NDE1: variants seen among roughly 807,000 people sequenced by gnomAD.
The protein encoded by NDE1 is nudE neurodevelopment protein 1, also known as nuclear distribution protein nudE homolog 1.
Under a neutral mutation model 43.4 loss-of-function variants are expected in NDE1, and 28 were observed. That is an observed-to-expected ratio of 0.65 (90% CI 0.48 to 0.89). The LOEUF is 0.89. Ranked by LOEUF, NDE1 falls within the 40% of genes least tolerant of loss-of-function variation. The probability of loss-of-function intolerance (pLI) is 0.00; values close to 1 mark genes in which losing one functional copy is unlikely to be tolerated. For synonymous variants in NDE1, 184 were observed against 172.0 expected, an observed-to-expected ratio of 1.07 and a Z score of -0.55; for missense variants, 441 against 434.1, an observed-to-expected ratio of 1.02 and a Z score of -0.14.
chr16:15,643,885 C>T (rs533292517), exon 1 of NDE1: 1 of 153,108 alleles, frequency 6.5e-6, no homozygotes, highest in African/African-American at 2.4e-5. Context: ...ATGAATACTG[C>T]GTTTCCAGTG....
At chr16:15,710,456 G>A (rs2039715591) in intron 8 of NDE1, among the ~76,000 whole-genome samples, 1 of 152,160 alleles carries the variant, frequency 6.6e-6, no homozygotes. Flanking sequence ...GGGAGGCAAA[G>A]GTTGCAGTGA....
chr16:15,699,652 A>T (rs1391296720), intron 8 of NDE1: 1 of 1,296,020 alleles, frequency 7.7e-7, no homozygotes, highest in East Asian at 5.3e-5. Context: ...GTTCACCCTT[A>T]TAACTCTCTG....
chr16:15,658,432 C>T (rs544300978), intron 1 of NDE1, among the ~76,000 whole-genome samples: 2 of 152,296 alleles, frequency 1.3e-5, no homozygotes, highest in Admixed American at 6.5e-5. Context: ...GTCACTGGCT[C>T]ATCGTGGGTT....
intron 8 of NDE1, chr16:15,721,270 C>T: frequency 9.8e-7 from 1 of 1,022,154 alleles, no homozygotes; most frequent in Non-Finnish European, 1.5e-6. Context: ...CTCAGCCCCT[C>T]CCAGCCCCTG....
intron 3 of NDE1, among the ~76,000 whole-genome samples, chr16:15,673,834 A>G (rs532781192): frequency 1.3e-5 from 2 of 152,260 alleles, no homozygotes; most frequent in Non-Finnish European, 2.9e-5. Context: ...GTAATTTGGA[A>G]GCAGAGCAGG....
chr16:15,650,055 C>T (rs1018962026), upstream of NDE1, among the ~76,000 whole-genome samples: 3 of 152,236 alleles, frequency 2.0e-5, no homozygotes, highest in African/African-American at 7.2e-5. Flanking sequence ...TCTCAAACCC[C>T]CTCCGGCCAG....
At chr16:15,717,146 T>G (rs1567687391) in intron 8 of NDE1, 8 of 1,614,048 alleles carry the variant, frequency 5.0e-6, no homozygotes, top group African/African-American at 1.3e-5. Context: ...ATACCTGGCC[T>G]CCTGCTCGAC....
At chr16:15,704,389 G>T (rs557079970) in intron 8 of NDE1, among the ~76,000 whole-genome samples, 50 of 152,016 alleles carry the variant, frequency 3.3e-4, no homozygotes, top group Admixed American at 1.3e-4. Context: ...AAAGCAAGAC[G>T]ATCTGCTTTT....
intron 8 of NDE1, chr16:15,718,876 A>T (rs1596711448): frequency 2.4e-6 from 1 of 413,686 alleles, no homozygotes; most frequent in Non-Finnish European, 4.5e-6. Context: ...ACCTGTAATC[A>T]CAGCACTTTG....
chr16:15,717,009 C>T (rs1023285989), intron 8 of NDE1: 4 of 991,090 alleles, frequency 4.0e-6, no homozygotes, highest in Non-Finnish European at 4.8e-6. Context: ...AACATACCTG[C>T]ACTGTAGGCA....
chr16:15,674,537 C>G (rs2037767574), intron 3 of NDE1, among the ~76,000 whole-genome samples: 1 of 152,126 alleles, frequency 6.6e-6, no homozygotes, highest in African/African-American at 2.4e-5. Flanking sequence ...GTGTGGGTCA[C>G]TGCTCCCGGC....
At chr16:15,719,519 G>A (rs2151204230) in intron 8 of NDE1, 1 of 1,609,476 alleles carries the variant, frequency 6.2e-7, no homozygotes, top group East Asian at 2.2e-5. Flanking sequence ...TGCACAGACT[G>A]GAGCTGCCAA....
rs1427684529 is a variant in NDE1 at position 15,725,850 on chromosome 16, A to G, written c.*1599A>G. On this transcript the variant is annotated 3_prime_UTR_variant, in exon 9 of 9. Transcript: ENST00000396354. Reference sequence around the variant, plus strand: ...TCATTCAGCAGCTTAAAACCCCTCAACAGCTTCACATTGCCCAGAGTAAGG... The same window carrying G: ...TCATTCAGCAGCTTAAAACCCCTCAGCAGCTTCACATTGCCCAGAGTAAGG... The G allele has an allele frequency of 2.3e-5, 9 of 395,414 alleles. No homozygotes were observed. Among genetic ancestry groups the G allele is most frequent in the Non-Finnish European group, 3.6e-5 (8 of 224,500 alleles). 24.5% of individuals were successfully genotyped at this position (395,414 alleles called of 1,614,324 possible).
In NDE1 at chr16:15,721,096, T is replaced by C. The variant is rs770360764; in HGVS notation, c.948-3095T>C. On this transcript the variant is annotated intron_variant, in intron 8 of 8. Coordinates refer to ENST00000396354, the MANE Select transcript of NDE1 (RefSeq NM_017668.3). ...CCCCATTCTATGAGGCTCAACTTCA[T>C]GAAGACGATTGAGAAACCCACCGTG... is the stretch of plus-strand genomic sequence containing the variant. 10 of 1,602,024 alleles carry C rather than the reference T, an allele frequency of 6.2e-6. No individual in the cohort carries two copies. The African/African-American group carries it at 6.7e-5, about 11-fold the overall frequency.
intron 3 of NDE1, among the ~76,000 whole-genome samples, chr16:15,670,657 CAA>C (rs10717229): frequency 1.3e-3 from 171 of 128,710 alleles, no homozygotes; most frequent in African/African-American, 1.5e-3. Context: ...AACTCTGTCT[CAA>C]AAAAAAAAAA....
At chr16:15,695,146 T>C (rs2038948316) in intron 7 of NDE1, among the ~76,000 whole-genome samples, 1 of 148,796 alleles carries the variant, frequency 6.7e-6, no homozygotes, top group Non-Finnish European at 1.5e-5. Flanking sequence ...ATTCCAACAC[T>C]GCACTCCATC....
intron 8 of NDE1, chr16:15,719,358 CA>C (rs763138105): frequency 9.5e-6 from 15 of 1,581,556 alleles, no homozygotes; most frequent in Non-Finnish European, 1.3e-5. Flanking sequence ...GGCCAAGCCC[CA>C]CCAAGAGTCC....
At position 15,714,471 on chromosome 16, in the gene NDE1, A is replaced by T. The variant is rs1248489716; in HGVS notation, c.948-9720A>T. 1.3e-5 allele frequency: 3 copies of T among 231,942 alleles called. No homozygotes were observed. In the Middle Eastern group the frequency reaches 5.5e-3, roughly 422 times the overall value. 14.4% of individuals were successfully genotyped at this position (231,942 alleles called of 1,614,324 possible). A position where few individuals can be genotyped will look rare whatever the true frequency, so the allele number is the denominator to read the frequency against. ...GAATGTCGGACAGCCCCCATACCCG[A>T]GAATAATGCAGCCCAGATGGCAGCA... On this transcript the variant is annotated intron_variant, in intron 8 of 8. Transcript: ENST00000396354.
In NDE1 at chr16:15,724,980, T is replaced by G. The variant is rs1206843088; in HGVS notation, c.*729T>G. ...GCCTCGTTAAGCATCCCTGTGACGC[T>G]CTCAACTTCATTCTAAGGGTGCCAA... On this transcript the variant is annotated 3_prime_UTR_variant, in exon 9 of 9. Transcript: ENST00000396354. 1 of 1,613,818 alleles carries G rather than the reference T, an allele frequency of 6.2e-7. No homozygotes were observed. Among genetic ancestry groups the G allele is most frequent in the African/African-American group, 1.3e-5 (1 of 74,884 alleles).
Sources: allele counts gnomAD v4.1 joint callset (sites outside exome capture counted in the v4.1 genomes callset), GRCh38; gene constraint gnomAD v4.1.1; transcripts MANE v1.5; gene names NCBI Gene and HGNC (gene_info 2026-07-23, HGNC 2026-07-21).